Variants in ZSCAN1 observed in about 807,000 individuals in gnomAD.
ZSCAN1 encodes the protein zinc finger and SCAN domain containing 1, also known as zinc finger and SCAN domain-containing protein 1.
In ZSCAN1, 23 loss-of-function variants were observed where a neutral mutation model predicts 23.8. That is an observed-to-expected ratio of 0.97 (90% CI 0.70 to 1.37). The LOEUF (loss-of-function observed/expected upper bound fraction) is 1.37, where lower values mean the gene tolerates loss of function less well. ZSCAN1 is among the 40% of genes most tolerant of loss of function. ZSCAN1 has a pLI of 0.00. For missense variants in ZSCAN1, 575 were observed against 554.0 expected (o/e 1.04, Z -0.38); for synonymous variants, 236 against 232.3 (o/e 1.02, Z -0.15).
chr19:58,045,016 C>G lies in ZSCAN1; in HGVS notation c.465+4472C>G. On this transcript the variant is annotated intron_variant, in intron 4 of 5. Coordinates refer to ENST00000282326, the MANE Select transcript of ZSCAN1 (RefSeq NM_182572.4). The surrounding 1 kb of genome is among the most constrained non-coding windows in gnomAD (Gnocchi z 4.3). ...GGAAGGCGGCCCTGTGTACAGCGCC[C>G]CCGCAGAGATGGTGGTGAAGTCCCG... 2 of 1,153,762 alleles carry G rather than the reference C, an allele frequency of 1.7e-6. No individual in the cohort carries two copies. The highest frequency in any genetic ancestry group is 1.3e-5 in the South Asian group (1 of 79,566). The allele number at this position is 1,153,762 out of a possible 1,614,324, so 71.5% of individuals were successfully genotyped here. A position where few individuals can be genotyped will look rare whatever the true frequency, so the allele number is the denominator to read the frequency against.
intron 4 of ZSCAN1, among the ~76,000 whole-genome samples, chr19:58,052,079 G>C (rs2073861206): frequency 6.6e-6 from 1 of 152,254 alleles, no homozygotes; most frequent in Non-Finnish European, 1.5e-5. Flanking sequence ...AGGAGCCCCA[G>C]CTTGTAACAG....
rs142030527 is a variant in ZSCAN1, at chr19:58,040,676, C to G, written c.465+132C>G. ...CAGCGCTCCCAGGAAGCCCGGCCTCCAAACTCCCCGCCTGCCCCACAGATT... is the reference window on the plus strand; with the variant it reads ...CAGCGCTCCCAGGAAGCCCGGCCTCGAAACTCCCCGCCTGCCCCACAGATT... On this transcript the variant is annotated intron_variant, in intron 4 of 5. Coordinates refer to ENST00000282326, the MANE Select transcript of ZSCAN1 (RefSeq NM_182572.4). The surrounding 1 kb of genome is among the most constrained non-coding windows in gnomAD (Gnocchi z 5.8). 2.4e-6 allele frequency: 2 copies of G among 826,318 alleles called. No individual in the cohort carries two copies. The highest frequency in any genetic ancestry group is 1.6e-5 in the South Asian group (1 of 61,494). The allele number at this position is 826,318 out of a possible 1,614,324, so 51.2% of individuals were successfully genotyped here.
In ZSCAN1 at chr19:58,045,820, C is replaced by T. The variant is rs1404310544; in HGVS notation, c.465+5276C>T. 28 of 1,495,742 alleles carry T rather than the reference C, an allele frequency of 1.9e-5. No individual in the cohort carries two copies. The highest frequency in any genetic ancestry group is 2.8e-5 in the African/African-American group (2 of 72,610). 92.7% of individuals were successfully genotyped at this position (1,495,742 alleles called of 1,614,324 possible). On this transcript the variant is annotated intron_variant, in intron 4 of 5. Coordinates refer to ENST00000282326, the MANE Select transcript of ZSCAN1 (RefSeq NM_182572.4). This position sits in a 1 kb window ranked among gnomAD's most constrained non-coding sequence, Gnocchi z 4.3. Reference sequence around the variant, plus strand: ...CCCCACATCGCTGCTCATCCTGTCCCGGACCATGTAGCTCCCGGACACCCT... The same window carrying T: ...CCCCACATCGCTGCTCATCCTGTCCTGGACCATGTAGCTCCCGGACACCCT...
rs1011190911 is a variant in ZSCAN1 at position 58,038,128 on chromosome 19, G to C, written c.292G>C (p.Val98Leu). ...GALPSKMRTW[V>L]QSQGPRSCRE... ...GCTGCCCAGCAAGATGCGGACCTGGGTGCAGTCACAGGGCCCCCGAAGCTG... is the reference window on the plus strand; with the variant it reads ...GCTGCCCAGCAAGATGCGGACCTGGCTGCAGTCACAGGGCCCCCGAAGCTG... Residue 98 changes from valine to leucine, a missense_variant, in exon 3 of 6, where the codon GTG becomes CTG. Val to Leu is a conservative substitution (Grantham distance 32). Transcript: ENST00000282326. 6.2e-7 allele frequency: 1 copy of C among 1,610,142 alleles called. No individual in the cohort carries two copies. The highest frequency in any genetic ancestry group is 8.5e-7 in the Non-Finnish European group (1 of 1,179,542).
chr19:58,043,509 G>A (rs776201478), intron 4 of ZSCAN1, among the ~76,000 whole-genome samples: 11 of 152,226 alleles, frequency 7.2e-5, no homozygotes, highest in Non-Finnish European at 1.3e-4. Flanking sequence ...TGCTCTGGGT[G>A]AGTCTGAGTG....
In ZSCAN1 at chr19:58,053,889, G is replaced by A. The variant is rs111404196; in HGVS notation, c.1065G>A (p.Lys355=). Reference sequence around the variant, plus strand: ...CGAGGAAGAAAGCCCCCCGGAGCAAGGGCCCCCGGGAGTCCGTCCCACCCA... The same window carrying A: ...CGAGGAAGAAAGCCCCCCGGAGCAAAGGCCCCCGGGAGTCCGTCCCACCCA... The part of the protein sequence containing the change: ...EPPRKKAPRS[K]GPRESVPPRD... Residue 355 remains lysine, a synonymous_variant, in exon 6 of 6, where the codon AAG becomes AAA. Coordinates refer to ENST00000282326, the MANE Select transcript of ZSCAN1 (RefSeq NM_182572.4). This position sits in a 1 kb window ranked among gnomAD's most constrained non-coding sequence, Gnocchi z 5.8. 3 of 1,613,256 alleles carry A rather than the reference G, an allele frequency of 1.9e-6. No homozygotes were observed. The highest frequency in any genetic ancestry group is 2.5e-6 in the Non-Finnish European group (3 of 1,179,360).
chr19:58,036,506 T>C (rs993816593), intron 2 of ZSCAN1, among the ~76,000 whole-genome samples: 9 of 132,404 alleles, frequency 6.8e-5, no homozygotes, highest in African/African-American at 2.9e-5. Context: ...AACTTCTTTT[T>C]TTTCTTTTCT....
At chr19:58,055,510 C>T (rs2073885224), downstream of ZSCAN1, among the ~76,000 whole-genome samples, 1 of 152,206 alleles carries the variant, frequency 6.6e-6, no homozygotes, top group Admixed American at 6.5e-5. Flanking sequence ...CCTCCTGGCA[C>T]CTTCTCTCTC....
At position 58,044,853 on chromosome 19, in the gene ZSCAN1, C is replaced by A; in HGVS notation, c.465+4309C>A. ...GCACCGTGTCGAGAGCGCCATGGACCTCCACCTCTGTGGGTTTTGTGGTCC... is the reference window on the plus strand; with the variant it reads ...GCACCGTGTCGAGAGCGCCATGGACATCCACCTCTGTGGGTTTTGTGGTCC... On this transcript the variant is annotated intron_variant, in intron 4 of 5. Coordinates refer to ENST00000282326, the MANE Select transcript of ZSCAN1 (RefSeq NM_182572.4). 3 of 768,112 alleles carry A rather than the reference C, an allele frequency of 3.9e-6. No individual in the cohort carries two copies. The South Asian group carries it at 4.3e-5, about 11-fold the overall frequency. 47.6% of individuals were successfully genotyped at this position (768,112 alleles called of 1,614,324 possible).
At chr19:58,056,083 C>T (rs1223215860), downstream of ZSCAN1, among the ~76,000 whole-genome samples, 1 of 152,208 alleles carries the variant, frequency 6.6e-6, no homozygotes, top group Non-Finnish European at 1.5e-5. Context: ...TCTGCACCAT[C>T]AGCCCCAGGC....
chr19:58,052,549 G>A lies in ZSCAN1; in HGVS notation c.525G>A (p.Glu175=). The A allele has an allele frequency of 6.2e-7, 1 of 1,614,040 alleles. No homozygotes were observed. Among genetic ancestry groups the A allele is most frequent in the Non-Finnish European group, 8.5e-7 (1 of 1,180,036 alleles). Residue 175 remains glutamate (E), a synonymous_variant, in exon 5 of 6, where the codon GAG becomes GAA. Coordinates refer to ENST00000282326, the MANE Select transcript of ZSCAN1 (RefSeq NM_182572.4). ...AAAPALPEES[E]WLETTQLQQS... ...CCCCAGCACTCCCCGAGGAAAGTGA[G>A]TGGCTGGAGACTACCCAGCTCCAGC...
At chr19:58,050,782 G>A (rs12984878) in intron 4 of ZSCAN1, among the ~76,000 whole-genome samples, 22,102 of 152,178 alleles carry the variant, frequency 0.15, 2,174 homozygotes, top group Middle Eastern at 0.23. Context: ...GCCTCCCAAA[G>A]TGCTGGGATT....
chr19:58,042,144 C>A (rs948158564), intron 4 of ZSCAN1, among the ~76,000 whole-genome samples: 3 of 151,316 alleles, frequency 2.0e-5, no homozygotes, highest in African/African-American at 7.3e-5. Flanking sequence ...TTTATTATGG[C>A]TAGCAGATAT....
downstream of ZSCAN1, among the ~76,000 whole-genome samples, chr19:58,056,231 G>A (rs1279634201): frequency 6.6e-6 from 1 of 152,210 alleles, no homozygotes; most frequent in Non-Finnish European, 1.5e-5. Flanking sequence ...AGCCCAGCAG[G>A]GTAGCTCTAT....
chr19:58,053,527 A>T lies in ZSCAN1; in HGVS notation c.703A>T (p.Ile235Phe), dbSNP rs577250027. 6.2e-7 allele frequency: 1 copy of T among 1,614,106 alleles called. No individual in the cohort carries two copies. The highest frequency in any genetic ancestry group is 2.2e-5 in the East Asian group (1 of 44,870). ...SSDLRAEGTV[I>F]SSPKGPSAQR... The stretch of plus-strand genomic sequence containing the variant: ...AGACCTGCGGGCAGAAGGGACTGTG[A>T]TCTCGAGCCCCAAGGGTCCAAGTGC... Residue 235 changes from isoleucine (I) to phenylalanine (F), a missense_variant, in exon 6 of 6, where the codon ATC becomes TTC. Physicochemically the swap from Ile to Phe is conservative, Grantham distance 21. Coordinates refer to ENST00000282326, the MANE Select transcript of ZSCAN1 (RefSeq NM_182572.4). This position sits in a 1 kb window ranked among gnomAD's most constrained non-coding sequence, Gnocchi z 5.8.
At position 58,034,129 on chromosome 19, in the gene ZSCAN1, G is replaced by C. The variant is rs922197828; in HGVS notation, c.-184G>C. 6.6e-6 allele frequency: 1 copy of C among 151,252 alleles called. No homozygotes were observed. Among genetic ancestry groups the C allele is most frequent in the Non-Finnish European group, 1.5e-5 (1 of 67,760 alleles). 9.4% of individuals were successfully genotyped at this position (151,252 alleles called of 1,614,324 possible). ...CGCCAGCCCAGGGGTCGCCATGACC[G>C]AGTGGCCCAGGCCCGAGCGAAGCCC... is the stretch of plus-strand genomic sequence containing the variant. On this transcript the variant is annotated 5_prime_UTR_variant, in exon 1 of 6. Coordinates refer to ENST00000282326, the MANE Select transcript of ZSCAN1 (RefSeq NM_182572.4).
Position 58,046,725 on chromosome 19 carries a change from G to A in ZSCAN1, c.466-5765G>A, listed in dbSNP as rs192471394. ...CACTGGAAAAAGAGGAGAAAGGGTGGAGAAGGAGAAGGTGGAGAAGGAGGT... is the reference window on the plus strand; with the variant it reads ...CACTGGAAAAAGAGGAGAAAGGGTGAAGAAGGAGAAGGTGGAGAAGGAGGT... On this transcript the variant is annotated intron_variant, in intron 4 of 5. Coordinates refer to ENST00000282326, the MANE Select transcript of ZSCAN1 (RefSeq NM_182572.4). 5.0e-6 allele frequency: 4 copies of A among 796,288 alleles called. No homozygotes were observed. The East Asian group carries it at 9.8e-5, about 20-fold the overall frequency. The allele number at this position is 796,288 out of a possible 1,614,324, so 49.3% of individuals were successfully genotyped here.
In ZSCAN1 at chr19:58,040,139, A is replaced by G. The variant is rs374308316; in HGVS notation, c.371-311A>G. ...CAGCCCCGGGGGGCTTGGGGAGCAG[A>G]GGGCTCACAGTGCTCGGGCCTCCCT... is the stretch of plus-strand genomic sequence containing the variant. On this transcript the variant is annotated intron_variant, in intron 3 of 5. Coordinates refer to ENST00000282326, the MANE Select transcript of ZSCAN1 (RefSeq NM_182572.4). This position sits in a 1 kb window ranked among gnomAD's most constrained non-coding sequence, Gnocchi z 5.8. Among the ~76,000 whole-genome samples the G allele has an allele frequency of 1.7e-4, 26 of 152,312 alleles. No homozygotes were observed. The East Asian group carries it at 3.7e-3, about 22-fold the overall frequency.
At chr19:58,055,802 T>C (rs10424810), downstream of ZSCAN1, among the ~76,000 whole-genome samples, 462 of 152,306 alleles carry the variant, frequency 3.0e-3, no homozygotes, top group African/African-American at 9.7e-3. Flanking sequence ...GTGGGTGCCA[T>C]TGAACACGAG....
Sources: allele counts gnomAD v4.1 joint callset (sites outside exome capture counted in the v4.1 genomes callset), GRCh38; gene constraint gnomAD v4.1.1; non-coding constraint Gnocchi (gnomAD v3.1); transcripts MANE v1.5; gene names NCBI Gene and HGNC (gene_info 2026-07-23, HGNC 2026-07-21).